KHDRBS2: variants seen among roughly 807,000 people sequenced by gnomAD.
KHDRBS2 encodes the protein KH RNA binding domain containing, signal transduction associated 2.
KHDRBS2 carries 26 observed loss-of-function variants against 44.3 expected under a neutral mutation model. The ratio of observed to expected loss-of-function variants is 0.59; its 90% CI spans 0.43 to 0.81. KHDRBS2 has a LOEUF of 0.81. Among genes scored for constraint, KHDRBS2 ranks in the 40% least tolerant of loss-of-function variants. The pLI is 0.00. For synonymous variants in KHDRBS2, 194 were observed against 151.1 expected, an observed-to-expected ratio of 1.28 and a Z score of -2.08; for missense variants, 476 against 433.1, an observed-to-expected ratio of 1.10 and a Z score of -0.88.
intron 7 of KHDRBS2, among the ~76,000 whole-genome samples, chr6:61,730,853 C>G (rs1291547509): frequency 6.6e-6 from 1 of 151,682 alleles, no homozygotes; most frequent in African/African-American, 2.4e-5. Flanking sequence ...TTCAACAATT[C>G]TAACATTCAC....
chr6:62,053,425 A>G (rs1008780931), intron 2 of KHDRBS2, among the ~76,000 whole-genome samples: 3 of 152,042 alleles, frequency 2.0e-5, no homozygotes, highest in African/African-American at 7.2e-5. Context: ...TTGTATGTAC[A>G]AAATACATCA....
intron 2 of KHDRBS2, among the ~76,000 whole-genome samples, chr6:62,084,846 C>T (rs1467522295): frequency 3.3e-5 from 5 of 151,960 alleles, no homozygotes; most frequent in South Asian, 2.1e-4. Context: ...TACAGAAATA[C>T]GATTTTCATG....
chr6:61,822,910 A>G (rs1249777574), intron 6 of KHDRBS2, among the ~76,000 whole-genome samples: 1 of 152,034 alleles, frequency 6.6e-6, no homozygotes, highest in African/African-American at 2.4e-5. Context: ...GAAACAGTGT[A>G]TCATAATTAG....
intron 2 of KHDRBS2, among the ~76,000 whole-genome samples, chr6:62,069,575 G>A (rs1414081538): frequency 6.6e-6 from 1 of 151,696 alleles, no homozygotes; most frequent in Non-Finnish European, 1.5e-5. Context: ...TTAACAAAAT[G>A]AAAAATACAC....
At chr6:62,134,347 A>T (rs1811023351) in intron 2 of KHDRBS2, among the ~76,000 whole-genome samples, 1 of 152,210 alleles carries the variant, frequency 6.6e-6, no homozygotes, top group African/African-American at 2.4e-5. Flanking sequence ...GTAGGTGCAC[A>T]GAAGTCAAGA....
At chr6:62,008,435 T>C (rs534406260) in intron 3 of KHDRBS2, among the ~76,000 whole-genome samples, 2 of 152,326 alleles carry the variant, frequency 1.3e-5, no homozygotes, top group South Asian at 4.1e-4. Context: ...TGTACATAAC[T>C]TTTAGAATAA....
At chr6:61,862,096 A>T (rs1234971327) in intron 6 of KHDRBS2, among the ~76,000 whole-genome samples, 1 of 152,010 alleles carries the variant, frequency 6.6e-6, no homozygotes, top group South Asian at 2.1e-4. Flanking sequence ...TTGCTTATCA[A>T]CTTAAGAAGT....
At chr6:62,272,212 C>T (rs1032914107) in intron 1 of KHDRBS2, among the ~76,000 whole-genome samples, 2 of 152,142 alleles carry the variant, frequency 1.3e-5, no homozygotes, top group African/African-American at 4.8e-5. Flanking sequence ...ACCATACAGA[C>T]TGGGTGTGTG....
At chr6:62,021,487 T>G (rs183632869) in intron 3 of KHDRBS2, among the ~76,000 whole-genome samples, 84 of 152,036 alleles carry the variant, frequency 5.5e-4, no homozygotes, top group African/African-American at 1.9e-3. Flanking sequence ...TTATCCATTC[T>G]GACAGTCCTC....
chr6:61,638,014 C>T, the KHDRBS2 span, among the ~76,000 whole-genome samples: 72 of 152,128 alleles, frequency 4.7e-4, 1 homozygote, highest in Non-Finnish European at 4.7e-4. Flanking sequence ...GTTTCTTTTG[C>T]TGTGCAGAAG....
intron 6 of KHDRBS2, among the ~76,000 whole-genome samples, chr6:61,882,152 G>T (rs1800293911): frequency 1.3e-5 from 2 of 151,894 alleles, no homozygotes; most frequent in Admixed American, 6.6e-5. Flanking sequence ...ACCAAGAGTA[G>T]AAAAAAGTAG....
At position 62,113,577 on chromosome 6, in the gene KHDRBS2, C is replaced by T. The variant is rs541839029; in HGVS notation, c.219+63608G>A. On this transcript the variant is annotated intron_variant, in intron 2 of 8. Coordinates refer to ENST00000281156, the MANE Select transcript of KHDRBS2 (RefSeq NM_152688.4). ...AAACCTTATCATCTTTTCATATTAT[C>T]CCAAATGCTATTTTTAACACAATCG... Among the ~76,000 whole-genome samples, 3 of 152,172 alleles carry T rather than the reference C, an allele frequency of 2.0e-5. No homozygotes were observed. In the South Asian group the frequency reaches 6.2e-4, roughly 32 times the overall value.
intron 1 of KHDRBS2, among the ~76,000 whole-genome samples, chr6:62,208,002 A>C (rs1828315638): frequency 6.6e-6 from 1 of 152,102 alleles, no homozygotes; most frequent in African/African-American, 2.4e-5. Context: ...CATCCTACAC[A>C]TCTGCTATTT....
intron 7 of KHDRBS2, among the ~76,000 whole-genome samples, chr6:61,707,515 C>G (rs1333850121): frequency 6.6e-6 from 1 of 151,692 alleles, no homozygotes; most frequent in Non-Finnish European, 1.5e-5. Context: ...TATACATTTT[C>G]CATTCAAATG....
chr6:62,129,670 C>A (rs1304401448), intron 2 of KHDRBS2, among the ~76,000 whole-genome samples: 1 of 152,012 alleles, frequency 6.6e-6, no homozygotes, highest in Non-Finnish European at 1.5e-5. Flanking sequence ...GGCCACTACT[C>A]AAGAGACTAT....
chr6:61,586,564 A>C, the KHDRBS2 span, among the ~76,000 whole-genome samples: 2 of 152,304 alleles, frequency 1.3e-5, no homozygotes, highest in East Asian at 3.9e-4. Flanking sequence ...TGACTAGTAC[A>C]AGACTGGACA....
At chr6:61,550,212 G>A in the KHDRBS2 span, among the ~76,000 whole-genome samples, 5 of 151,972 alleles carry the variant, frequency 3.3e-5, no homozygotes, top group South Asian at 2.1e-4. Context: ...ACCCTCCACC[G>A]TCAGGTCCCA....
intron 1 of KHDRBS2, among the ~76,000 whole-genome samples, chr6:62,257,790 G>C (rs1027203505): frequency 5.3e-5 from 8 of 151,954 alleles, no homozygotes; most frequent in African/African-American, 1.9e-4. Flanking sequence ...TTTTATTTGT[G>C]AAACGCTAAA....
At chr6:61,932,451 C>T (rs1280950642) in intron 4 of KHDRBS2, among the ~76,000 whole-genome samples, 2 of 152,160 alleles carry the variant, frequency 1.3e-5, no homozygotes, top group Non-Finnish European at 2.9e-5. Flanking sequence ...CCACTCATAA[C>T]CATCATTCTA....
Sources: allele counts gnomAD v4.1 joint callset (sites outside exome capture counted in the v4.1 genomes callset), GRCh38; gene constraint gnomAD v4.1.1; transcripts MANE v1.5; gene names NCBI Gene and HGNC (gene_info 2026-07-23, HGNC 2026-07-21).